LINGO2: variants seen among roughly 807,000 people sequenced by gnomAD.
The protein encoded by LINGO2 is leucine rich repeat and Ig domain containing 2.
A neutral mutation model predicts 30.6 loss-of-function variants in LINGO2; 14 were observed. That is an observed-to-expected ratio of 0.46 (90% confidence interval 0.30 to 0.72). LINGO2 has a LOEUF of 0.72. Among genes scored for constraint, LINGO2 ranks in the 30% least tolerant of loss-of-function variants. The pLI is 0.07. For missense variants in LINGO2, 729 were observed against 751.7 expected (o/e 0.97, Z 0.35); for synonymous variants, 317 against 288.5 (o/e 1.10, Z -1.00).
At chr9:28,188,230 T>G (rs1023218464) in intron 4 of LINGO2, among the ~76,000 whole-genome samples, 1 of 152,156 alleles carries the variant, frequency 6.6e-6, no homozygotes, top group African/African-American at 2.4e-5. Context: ...ACTCAGGGCT[T>G]CTTCTGAGTG....
chr9:28,188,968 G>C (rs1039785773), intron 4 of LINGO2, among the ~76,000 whole-genome samples: 6 of 152,096 alleles, frequency 3.9e-5, no homozygotes, highest in African/African-American at 7.2e-5. Flanking sequence ...ATTGGAGAGA[G>C]AGGTGGGAAG....
the LINGO2 span, among the ~76,000 whole-genome samples, chr9:28,890,274 C>T: frequency 6.6e-6 from 1 of 151,934 alleles, no homozygotes; most frequent in African/African-American, 2.4e-5. Flanking sequence ...ACTTTCCTGT[C>T]CCTGGAGCTT....
chr9:28,141,686 G>A (rs1827676220), intron 4 of LINGO2, among the ~76,000 whole-genome samples: 1 of 152,126 alleles, frequency 6.6e-6, no homozygotes, highest in South Asian at 2.1e-4. Context: ...GGAGGCTGAG[G>A]CGGGCGGATC....
intron 4 of LINGO2, among the ~76,000 whole-genome samples, chr9:28,175,021 C>T (rs1285996699): frequency 2.0e-5 from 3 of 151,878 alleles, no homozygotes; most frequent in African/African-American, 7.3e-5. Flanking sequence ...ATAAGGGTAA[C>T]TGCCTGCCCA....
At chr9:28,445,072 A>G (rs1345830828) in intron 2 of LINGO2, among the ~76,000 whole-genome samples, 1 of 152,236 alleles carries the variant, frequency 6.6e-6, no homozygotes, top group Non-Finnish European at 1.5e-5. Flanking sequence ...TCACAGAGCT[A>G]GTGACTGATA....
intron 1 of LINGO2, among the ~76,000 whole-genome samples, chr9:28,490,992 T>C (rs1271351536): frequency 6.6e-6 from 1 of 152,186 alleles, no homozygotes; most frequent in Non-Finnish European, 1.5e-5. Context: ...ACAATGTATA[T>C]AGAGTTACTA....
the LINGO2 span, among the ~76,000 whole-genome samples, chr9:29,098,441 T>A: frequency 6.6e-6 from 1 of 151,276 alleles, no homozygotes; most frequent in Non-Finnish European, 1.5e-5. Context: ...TCCTAAAGGA[T>A]GAGGGATACA....
rs540916393 is a variant in LINGO2 at position 28,628,030 on chromosome 9, C to A, written c.-365+42170G>T. Among the ~76,000 whole-genome samples, 70 of 152,060 alleles carry A rather than the reference C, an allele frequency of 4.6e-4. 1 individual carries two copies. Among genetic ancestry groups the A allele is most frequent in the Middle Eastern group, 3.4e-3 (1 of 294 alleles). ...GCTCTCTGTTTCTATCTCAATAATA[C>A]CATTCTTCATGGCTGTAGCATAGTT... On this transcript the variant is annotated intron_variant, in intron 1 of 5. Transcript: ENST00000379992.
chr9:28,437,583 G>A (rs1194496730), intron 2 of LINGO2, among the ~76,000 whole-genome samples: 9 of 145,520 alleles, frequency 6.2e-5, no homozygotes, highest in South Asian at 2.2e-4. Flanking sequence ...ACACAGACGC[G>A]CACACACACC....
chr9:28,047,731 A>T (rs1824489089), intron 4 of LINGO2, among the ~76,000 whole-genome samples: 1 of 150,956 alleles, frequency 6.6e-6, no homozygotes, highest in African/African-American at 2.4e-5. Flanking sequence ...CATGCTTAGT[A>T]AATGTTAGCT....
intron 5 of LINGO2, among the ~76,000 whole-genome samples, chr9:27,990,633 A>AG (rs879729940): frequency 1.3e-5 from 2 of 151,988 alleles, no homozygotes; most frequent in Admixed American, 1.3e-4. Flanking sequence ...TCCTGTGGGG[A>AG]GAAAAAATAC....
the LINGO2 span, among the ~76,000 whole-genome samples, chr9:28,717,342 T>TAAA: frequency 8.9e-6 from 1 of 112,338 alleles, no homozygotes; most frequent in Middle Eastern, 5.6e-3. Flanking sequence ...GACCCTAATC[T>TAAA]AAAAAAAAAA....
chr9:28,618,456 A>G (rs958639838), intron 1 of LINGO2, among the ~76,000 whole-genome samples: 4 of 152,152 alleles, frequency 2.6e-5, no homozygotes, highest in Non-Finnish European at 4.4e-5. Context: ...ATTTTCCTCC[A>G]TACAATTCAT....
chr9:28,958,374 C>T, the LINGO2 span, among the ~76,000 whole-genome samples: 2 of 152,026 alleles, frequency 1.3e-5, no homozygotes, highest in Admixed American at 6.6e-5. Context: ...GGCAAAAAGA[C>T]AACACATGAA....
intron 5 of LINGO2, among the ~76,000 whole-genome samples, chr9:27,966,420 G>A (rs551078616): frequency 5.5e-4 from 84 of 152,238 alleles, no homozygotes; most frequent in Middle Eastern, 6.8e-3. Flanking sequence ...GTCCTTTGCA[G>A]GGACATGGAT....
chr9:28,132,435 T>TA (rs1366095539), intron 4 of LINGO2, among the ~76,000 whole-genome samples: 13 of 152,156 alleles, frequency 8.5e-5, no homozygotes, highest in Admixed American at 8.5e-4. Context: ...AAACATGACT[T>TA]AAAGAGACTT....
At chr9:28,612,902 A>T (rs1488541653) in intron 1 of LINGO2, among the ~76,000 whole-genome samples, 2 of 152,128 alleles carry the variant, frequency 1.3e-5, no homozygotes, top group Non-Finnish European at 2.9e-5. Flanking sequence ...TTGAATTTTA[A>T]TTCCCATAAT....
intron 1 of LINGO2, among the ~76,000 whole-genome samples, chr9:28,628,333 A>G (rs1170685841): frequency 6.6e-6 from 1 of 152,114 alleles, no homozygotes; most frequent in East Asian, 1.9e-4. Context: ...ATGGATAAAT[A>G]CAGGAGTTCA....
At chr9:28,609,401 T>C (rs1363437813) in intron 1 of LINGO2, among the ~76,000 whole-genome samples, 1 of 151,796 alleles carries the variant, frequency 6.6e-6, no homozygotes, top group Non-Finnish European at 1.5e-5. Flanking sequence ...ACGGTTCATA[T>C]GAATCAATAA....
Sources: allele counts gnomAD v4.1 joint callset (sites outside exome capture counted in the v4.1 genomes callset), GRCh38; gene constraint gnomAD v4.1.1; transcripts MANE v1.5; gene names NCBI Gene and HGNC (gene_info 2026-07-23, HGNC 2026-07-21).